NEDD4L: variants seen among roughly 807,000 people sequenced by gnomAD.
NEDD4L encodes the protein NEDD4 like E3 ubiquitin protein ligase.
A neutral mutation model predicts 148.9 loss-of-function variants in NEDD4L; 54 were observed. That is an observed-to-expected ratio of 0.36 (90% confidence interval 0.29 to 0.45). NEDD4L has a LOEUF of 0.45. NEDD4L is among the 20% of genes least tolerant of loss of function. NEDD4L has a pLI of 1.00. For missense variants in NEDD4L, 856 were observed against 1,233.8 expected (o/e 0.69, Z 4.59); for synonymous variants, 433 against 440.7 (o/e 0.98, Z 0.22).
intron 1 of NEDD4L, among the ~76,000 whole-genome samples, chr18:58,128,135 C>G (rs988337155): frequency 6.6e-6 from 1 of 152,146 alleles, no homozygotes; most frequent in African/African-American, 2.4e-5. Context: ...CAACCTCCAC[C>G]TCCTGGGTTC....
chr18:58,119,574 G>A lies in NEDD4L; in HGVS notation c.49-46214G>A, dbSNP rs542107501. Among the ~76,000 whole-genome samples, 9 of 152,292 alleles carry A rather than the reference G, an allele frequency of 5.9e-5. No individual in the cohort carries two copies. In the East Asian group the frequency reaches 7.7e-4, roughly 13 times the overall value. On this transcript the variant is annotated intron_variant, in intron 1 of 30. Transcript: ENST00000400345. Reference sequence around the variant, plus strand: ...TGGTGTGTTCTCTCTGTTCCTAGCCGCAGAAATTGCTGGTGAATGTCACCA... The same window carrying A: ...TGGTGTGTTCTCTCTGTTCCTAGCCACAGAAATTGCTGGTGAATGTCACCA...
intron 13 of NEDD4L, among the ~76,000 whole-genome samples, chr18:58,337,345 T>C (rs1328575570): frequency 2.6e-5 from 4 of 152,232 alleles, no homozygotes; most frequent in Non-Finnish European, 4.4e-5. Context: ...CCTGCATGTT[T>C]CTCTTCCACA....
intron 1 of NEDD4L, among the ~76,000 whole-genome samples, chr18:58,071,982 C>T (rs762613363): frequency 5.3e-5 from 8 of 152,254 alleles, no homozygotes; most frequent in Non-Finnish European, 7.3e-5. Context: ...GGTGGGGACA[C>T]AGAGCCAAAC....
At chr18:58,150,805 G>A (rs62094469) in intron 1 of NEDD4L, among the ~76,000 whole-genome samples, 36,046 of 152,026 alleles carry the variant, frequency 0.24, 4,300 homozygotes, top group South Asian at 0.27. Context: ...CATGGTGGCT[G>A]TGGTTGGCGG....
At chr18:58,337,831 A>G (rs1310127568) in intron 13 of NEDD4L, among the ~76,000 whole-genome samples, 4 of 152,162 alleles carry the variant, frequency 2.6e-5, no homozygotes, top group Non-Finnish European at 5.9e-5. Flanking sequence ...AGTCTAATAA[A>G]CAGGCCCTGA....
At chr18:58,141,675 G>A (rs1038809203) in intron 1 of NEDD4L, among the ~76,000 whole-genome samples, 1 of 152,108 alleles carries the variant, frequency 6.6e-6, no homozygotes, top group African/African-American at 2.4e-5. Context: ...TTTCATGTAC[G>A]TATATGTTAT....
At chr18:58,351,254 A>G (rs529395942) in intron 18 of NEDD4L, 12 of 828,848 alleles carry the variant, frequency 1.4e-5, no homozygotes, top group South Asian at 1.1e-4. Flanking sequence ...CTTTCACCCA[A>G]TCTGATCTTG....
chr18:58,321,101 G>A (rs552771825), intron 6 of NEDD4L, among the ~76,000 whole-genome samples: 3 of 152,196 alleles, frequency 2.0e-5, no homozygotes, highest in African/African-American at 7.2e-5. Flanking sequence ...TCTTGGCACC[G>A]GTGATCCAAT....
intron 24 of NEDD4L, among the ~76,000 whole-genome samples, chr18:58,376,103 A>G (rs576184793): frequency 1.3e-5 from 2 of 152,316 alleles, no homozygotes; most frequent in African/African-American, 4.8e-5. Flanking sequence ...CCCAATTCAG[A>G]AAACTATTAA....
At chr18:58,209,935 G>A (rs1416714511) in intron 2 of NEDD4L, among the ~76,000 whole-genome samples, 2 of 152,160 alleles carry the variant, frequency 1.3e-5, no homozygotes, top group African/African-American at 4.8e-5. Flanking sequence ...GGGAGGCCAA[G>A]GCGGGCGGAT....
rs1167650970 is a variant in NEDD4L, at chr18:58,342,635, A to G, written c.1378-271A>G. Among the ~76,000 whole-genome samples, 5 of 152,338 alleles carry G rather than the reference A, an allele frequency of 3.3e-5. No individual in the cohort carries two copies. In the South Asian group the frequency reaches 6.2e-4, roughly 19 times the overall value. The stretch of plus-strand genomic sequence containing the variant: ...TCTCCACTCTGTAAAATCTCCATCC[A>G]TAATGCTTAGTACAGAACAGTATTT... On this transcript the variant is annotated intron_variant, in intron 15 of 30. Transcript: ENST00000400345.
intron 5 of NEDD4L, among the ~76,000 whole-genome samples, chr18:58,299,551 C>T (rs2056175621): frequency 6.6e-6 from 1 of 152,162 alleles, no homozygotes; most frequent in Non-Finnish European, 1.5e-5. Context: ...GAGCTAGTTG[C>T]CATTTACTGT....
At chr18:58,140,101 T>A (rs991349552) in intron 1 of NEDD4L, among the ~76,000 whole-genome samples, 1 of 152,084 alleles carries the variant, frequency 6.6e-6, no homozygotes, top group Non-Finnish European at 1.5e-5. Context: ...TGGACTAGAT[T>A]TGGAACATCC....
At chr18:58,348,272 A>G (rs2043355194) in intron 16 of NEDD4L, among the ~76,000 whole-genome samples, 1 of 149,638 alleles carries the variant, frequency 6.7e-6, no homozygotes, top group South Asian at 2.1e-4. Context: ...TGCTGAGATT[A>G]CAAGTGTGAG....
chr18:58,117,261 G>A (rs1010564143), intron 1 of NEDD4L, among the ~76,000 whole-genome samples: 3 of 152,192 alleles, frequency 2.0e-5, no homozygotes, highest in Admixed American at 1.3e-4. Flanking sequence ...TTGCCTTGGA[G>A]CAGGAAAAAC....
chr18:58,355,423 G>A (rs779530404), intron 18 of NEDD4L, among the ~76,000 whole-genome samples: 28 of 152,164 alleles, frequency 1.8e-4, no homozygotes, highest in Non-Finnish European at 2.6e-4. Context: ...AAGTACTTAC[G>A]GGAAACCCAG....
chr18:58,341,424 G>T (rs2042403423), intron 14 of NEDD4L, among the ~76,000 whole-genome samples: 1 of 152,210 alleles, frequency 6.6e-6, no homozygotes, highest in Non-Finnish European at 1.5e-5. Flanking sequence ...ATTGCAGTGT[G>T]TAGCTTCTTC....
rs148660664 is a variant in NEDD4L at position 58,105,381 on chromosome 18, C to A, written c.49-60407C>A. ...CATGACAGTTGGGTTAGTGTATTCCCCTCTCCACCAGAGACTTGGGAGGGT... is the reference window on the plus strand; with the variant it reads ...CATGACAGTTGGGTTAGTGTATTCCACTCTCCACCAGAGACTTGGGAGGGT... On this transcript the variant is annotated intron_variant, in intron 1 of 30. Transcript: ENST00000400345. Among the ~76,000 whole-genome samples the A allele has an allele frequency of 9.9e-4, 150 of 152,266 alleles. 1 individual carries two copies. The highest frequency in any genetic ancestry group is 3.5e-3 in the African/African-American group (145 of 41,546).
intron 2 of NEDD4L, among the ~76,000 whole-genome samples, chr18:58,184,078 A>C (rs1176221978): frequency 6.6e-6 from 1 of 152,132 alleles, no homozygotes. Flanking sequence ...CTGAGGCAGG[A>C]GAATGGCGAG....
Sources: allele counts gnomAD v4.1 joint callset (sites outside exome capture counted in the v4.1 genomes callset), GRCh38; gene constraint gnomAD v4.1.1; transcripts MANE v1.5; gene names NCBI Gene and HGNC (gene_info 2026-07-23, HGNC 2026-07-21).